CDYL2: variants seen among roughly 807,000 people sequenced by gnomAD.
The protein encoded by CDYL2 is chromodomain Y like 2, also known as chromodomain Y-like protein 2.
CDYL2 carries 23 observed loss-of-function variants against 49.4 expected under a neutral mutation model. The ratio of observed to expected loss-of-function variants is 0.47; its 90% CI spans 0.34 to 0.66. The LOEUF (loss-of-function observed/expected upper bound fraction) is 0.66. Among genes scored for constraint, CDYL2 ranks in the 30% least tolerant of loss-of-function variants. The pLI is 0.01. For synonymous variants in CDYL2, 360 were observed against 268.8 expected (o/e 1.34, Z -3.32); for missense variants, 678 against 656.4 (o/e 1.03, Z -0.36).
In CDYL2 at chr16:80,600,721, T is replaced by C. The variant is rs944936805; in HGVS notation, c.*3667A>G. 6.6e-6 allele frequency: 1 copy of C among 152,148 alleles called. No homozygotes were observed. Among genetic ancestry groups the C allele is most frequent in the Non-Finnish European group, 1.5e-5 (1 of 68,030 alleles). 9.4% of individuals were successfully genotyped at this position (152,148 alleles called of 1,614,324 possible). On this transcript the variant is annotated 3_prime_UTR_variant, in exon 7 of 7. Transcript: ENST00000570137. ...TTGAAGATGTTTCTATTTGTTTCTC[T>C]CTGTTAAAAAATTTCCACAGAAACT...
At chr16:80,655,267 T>C (rs8054290) in intron 2 of CDYL2, among the ~76,000 whole-genome samples, 679 of 152,310 alleles carry the variant, frequency 4.5e-3, no homozygotes, top group African/African-American at 0.015. Context: ...AGAGCCAGGA[T>C]TGGAGCCAGC....
intron 2 of CDYL2, among the ~76,000 whole-genome samples, chr16:80,677,754 A>AAT (rs1567567331): frequency 6.6e-6 from 1 of 151,434 alleles, no homozygotes; most frequent in Non-Finnish European, 1.5e-5. Context: ...AATAAAAATA[A>AAT]AAATAAAAAT....
In CDYL2 at chr16:80,765,321, T is replaced by C. The variant is rs1032588533; in HGVS notation, c.24+38829A>G. Among the ~76,000 whole-genome samples the C allele has an allele frequency of 2.0e-5, 3 of 151,420 alleles. 1 individual carries two copies. The highest frequency in any genetic ancestry group is 6.3e-3 in the Middle Eastern group (2 of 316). ...CTCTGGATGACAGAACACCTGTAAG[T>C]TTAAAGGTTATGACAGAAACGACGA... is the stretch of plus-strand genomic sequence containing the variant. On this transcript the variant is annotated intron_variant, in intron 1 of 6. Coordinates refer to ENST00000570137, the MANE Select transcript of CDYL2 (RefSeq NM_152342.4).
chr16:80,797,763 T>C (rs1158303254), intron 1 of CDYL2, among the ~76,000 whole-genome samples: 3 of 152,210 alleles, frequency 2.0e-5, no homozygotes, highest in East Asian at 1.9e-4. Flanking sequence ...AACCTTTCAA[T>C]TGCATCCATT....
intron 5 of CDYL2, among the ~76,000 whole-genome samples, chr16:80,608,683 G>T (rs1052828680): frequency 6.6e-6 from 1 of 152,150 alleles, no homozygotes; most frequent in Non-Finnish European, 1.5e-5. Context: ...TGGTGGAAAA[G>T]TCTTTCTTCC....
chr16:80,665,027 G>C (rs749490910), intron 2 of CDYL2, among the ~76,000 whole-genome samples: 2 of 152,112 alleles, frequency 1.3e-5, no homozygotes, highest in Non-Finnish European at 2.9e-5. Context: ...CATACCCCCA[G>C]AACGAGGCAT....
Position 80,618,434 on chromosome 16 carries a change from C to G in CDYL2, c.1007+2329G>C, listed in dbSNP as rs115185532. On this transcript the variant is annotated intron_variant, in intron 4 of 6. Transcript: ENST00000570137. ...ATGGGGACAGGAGAAGAGGTTTTGC[C>G]CCTCAGCTTTGATACATCTAAGACA... is the stretch of plus-strand genomic sequence containing the variant. Among the ~76,000 whole-genome samples, 852 of 152,326 alleles carry G rather than the reference C, an allele frequency of 5.6e-3. 11 individuals carry two copies. Among genetic ancestry groups the G allele is most frequent in the African/African-American group, 0.02 (816 of 41,558 alleles).
intron 3 of CDYL2, among the ~76,000 whole-genome samples, chr16:80,625,616 C>T (rs1907266432): frequency 6.6e-6 from 1 of 152,142 alleles, no homozygotes; most frequent in African/African-American, 2.4e-5. Flanking sequence ...CAACAAAAAG[C>T]TAAGCAATAG....
chr16:80,798,513 C>T (rs950508405), intron 1 of CDYL2, among the ~76,000 whole-genome samples: 1 of 152,126 alleles, frequency 6.6e-6, no homozygotes, highest in South Asian at 2.1e-4. Context: ...AATATATTTT[C>T]TATTCCTTAT....
At chr16:80,688,987 C>T (rs991169358) in intron 1 of CDYL2, among the ~76,000 whole-genome samples, 20 of 152,278 alleles carry the variant, frequency 1.3e-4, no homozygotes, top group African/African-American at 4.8e-4. Flanking sequence ...CCCCGCTCTA[C>T]CTGGGCAGGC....
At chr16:80,648,397 T>A (rs559595506) in intron 2 of CDYL2, among the ~76,000 whole-genome samples, 1 of 152,204 alleles carries the variant, frequency 6.6e-6, no homozygotes, top group African/African-American at 2.4e-5. Context: ...GTGGAAAAGC[T>A]AGAGGACACA....
chr16:80,639,228 AG>A (rs1362716507), intron 2 of CDYL2, among the ~76,000 whole-genome samples: 1 of 152,242 alleles, frequency 6.6e-6, no homozygotes, highest in African/African-American at 2.4e-5. Context: ...GCCGAGTGAC[AG>A]GAATGCTCAT....
chr16:80,743,894 G>A (rs894070717), intron 1 of CDYL2, among the ~76,000 whole-genome samples: 28 of 152,148 alleles, frequency 1.8e-4, no homozygotes, highest in African/African-American at 6.8e-4. Flanking sequence ...CACCCAGTAA[G>A]TGGTAAAGAG....
chr16:80,760,942 C>A (rs539253839), intron 1 of CDYL2, among the ~76,000 whole-genome samples: 29 of 152,064 alleles, frequency 1.9e-4, no homozygotes, highest in Non-Finnish European at 2.5e-4. Flanking sequence ...GGATTTAATG[C>A]GCAAAGGTGA....
chr16:80,685,494 T>C (rs1417731859), intron 1 of CDYL2, among the ~76,000 whole-genome samples: 1 of 152,202 alleles, frequency 6.6e-6, no homozygotes. Flanking sequence ...TGCAGGCTAT[T>C]AAAGACCAAT....
chr16:80,624,332 C>T (rs1907212342), intron 3 of CDYL2, among the ~76,000 whole-genome samples: 1 of 152,188 alleles, frequency 6.6e-6, no homozygotes, highest in African/African-American at 2.4e-5. Context: ...TGTAGGAAAA[C>T]TCTCCCATGA....
intron 2 of CDYL2, among the ~76,000 whole-genome samples, chr16:80,655,811 G>A (rs1168855604): frequency 6.6e-6 from 1 of 152,176 alleles, no homozygotes; most frequent in Non-Finnish European, 1.5e-5. Flanking sequence ...GCAGGGGAAT[G>A]GTGCCTCCAG....
intron 2 of CDYL2, among the ~76,000 whole-genome samples, chr16:80,653,867 G>A (rs1438153427): frequency 6.6e-6 from 1 of 152,202 alleles, no homozygotes; most frequent in African/African-American, 2.4e-5. Flanking sequence ...GGAGGATTGT[G>A]AAAAATCAGG....
chr16:80,700,361 T>G (rs1394761866), intron 1 of CDYL2, among the ~76,000 whole-genome samples: 2 of 152,242 alleles, frequency 1.3e-5, no homozygotes, highest in Admixed American at 6.5e-5. Flanking sequence ...ATTAAAATTT[T>G]TCCTTTCATA....
Sources: gnomAD v4.1 joint callset for allele counts (sites outside exome capture counted in the v4.1 genomes callset) on GRCh38, gnomAD v4.1.1 for gene constraint, MANE v1.5 for transcripts, NCBI Gene and HGNC (gene_info 2026-07-23, HGNC 2026-07-21) for gene names.